The following SMAD4 variants were observed in gnomAD, a reference collection of about 807,000 sequenced individuals.
SMAD4 encodes the protein MAD homolog 4.
Under a neutral mutation model 63.2 loss-of-function variants are expected in SMAD4, and 7 were observed. That is an observed-to-expected ratio of 0.11 (90% CI 0.06 to 0.21). The LOEUF is 0.21. Among genes scored for constraint, SMAD4 ranks in the 10% least tolerant of loss-of-function variants. The probability of loss-of-function intolerance (pLI) is 1.00; values close to 1 mark genes in which losing one functional copy is unlikely to be tolerated. For missense variants in SMAD4, 312 were observed against 693.8 expected, an observed-to-expected ratio of 0.45 and a Z score of 6.18; for synonymous variants, 215 against 235.4, an observed-to-expected ratio of 0.91 and a Z score of 0.79.
chr18:51,060,508 T>C (rs1909978963), intron 8 of SMAD4, among the ~76,000 whole-genome samples: 1 of 152,226 alleles, frequency 6.6e-6, no homozygotes, highest in African/African-American at 2.4e-5. Flanking sequence ...CATCCTTTCG[T>C]ATCTGTTTTT....
chr18:51,047,309 G>A lies in SMAD4; in HGVS notation c.249+14G>A, dbSNP rs777811251. 14 of 1,609,740 alleles carry A rather than the reference G, an allele frequency of 8.7e-6. No individual in the cohort carries two copies. In the African/African-American group the frequency reaches 1.1e-4, roughly 12 times the overall value. On this transcript the variant is annotated intron_variant, in intron 2 of 11. Coordinates refer to ENST00000342988, the MANE Select transcript of SMAD4 (RefSeq NM_005359.6). ...GGGAGGCTTCAGGTTAGTCTTATAA[G>A]AGTTTTTCTATACCCTCTATGGTGG...
chr18:51,038,647 G>A (rs977447122), intron 1 of SMAD4, among the ~76,000 whole-genome samples: 2 of 152,212 alleles, frequency 1.3e-5, no homozygotes, highest in African/African-American at 4.8e-5. Flanking sequence ...GAATCCAGCT[G>A]TCTCCTATTA....
At chr18:51,073,384 T>TACAC (rs1910375258) in intron 10 of SMAD4, among the ~76,000 whole-genome samples, 1 of 85,750 alleles carries the variant, frequency 1.2e-5, no homozygotes, top group African/African-American at 4.6e-5. Context: ...TATATATATA[T>TACAC]ATATACACAC....
chr18:51,067,894 G>A (rs1910207493), intron 10 of SMAD4, among the ~76,000 whole-genome samples: 1 of 152,122 alleles, frequency 6.6e-6, no homozygotes, highest in African/African-American at 2.4e-5. Flanking sequence ...AACCTGATAA[G>A]CCTGAAATAT....
Position 51,079,282 on chromosome 18 carries a change from G to A in SMAD4, c.*815G>A, listed in dbSNP as rs1599206276. Reference sequence around the variant, plus strand: ...TTGGTTGCTAAGAAGCCTATAAGAGGAATTTCTTTTCCTTCATTCATAGGG... The same window carrying A: ...TTGGTTGCTAAGAAGCCTATAAGAGAAATTTCTTTTCCTTCATTCATAGGG... On this transcript the variant is annotated 3_prime_UTR_variant, in exon 12 of 12. Coordinates refer to ENST00000342988, the MANE Select transcript of SMAD4 (RefSeq NM_005359.6). The A allele has an allele frequency of 8.6e-6, 2 of 233,128 alleles. No homozygotes were observed. Among genetic ancestry groups the A allele is most frequent in the South Asian group, 1.8e-4 (1 of 5,516 alleles). The allele number at this position is 233,128 out of a possible 1,614,324, so 14.4% of individuals were successfully genotyped here.
At chr18:51,056,108 T>G (rs1199184875) in intron 5 of SMAD4, among the ~76,000 whole-genome samples, 1 of 152,206 alleles carries the variant, frequency 6.6e-6, no homozygotes, top group Non-Finnish European at 1.5e-5. Flanking sequence ...AGTTCCTTAA[T>G]CACTTGGTGC....
chr18:51,049,755 C>G (rs76247606), intron 4 of SMAD4, among the ~76,000 whole-genome samples: 4,543 of 152,200 alleles, frequency 0.03, 270 homozygotes, highest in African/African-American at 0.1. Flanking sequence ...TTCAGCCTAA[C>G]ATTTTTATGA....
At chr18:51,064,521 G>C (rs1910099072) in intron 8 of SMAD4, among the ~76,000 whole-genome samples, 1 of 152,204 alleles carries the variant, frequency 6.6e-6, no homozygotes, top group Non-Finnish European at 1.5e-5. Context: ...ATACTCTGTA[G>C]ATATCTGTTA....
chr18:51,072,290 A>C (rs925830761), intron 10 of SMAD4, among the ~76,000 whole-genome samples: 1 of 152,090 alleles, frequency 6.6e-6, no homozygotes, highest in African/African-American at 2.4e-5. Context: ...CCATTGTAGT[A>C]GGTGTGAAGT....
intron 1 of SMAD4, among the ~76,000 whole-genome samples, chr18:51,031,688 T>G (rs1472455333): frequency 6.6e-6 from 1 of 152,130 alleles, no homozygotes; most frequent in Non-Finnish European, 1.5e-5. Context: ...TACTCGGGTG[T>G]TTTAAGAAGT....
At chr18:51,067,342 A>G (rs755396286) in intron 10 of SMAD4, among the ~76,000 whole-genome samples, 155 bp downstream of exon 10, 5 of 152,152 alleles carry the variant, frequency 3.3e-5, no homozygotes, top group Non-Finnish European at 5.9e-5. Flanking sequence ...GAGGGCATTT[A>G]TTGACATTAT....
chr18:51,035,145 C>T (rs1413411321), intron 1 of SMAD4, among the ~76,000 whole-genome samples: 1 of 152,186 alleles, frequency 6.6e-6, no homozygotes, highest in South Asian at 2.1e-4. Context: ...GTGTCTGTCT[C>T]TTTCTTTTCT....
intron 2 of SMAD4, 105 bp from the exon 3 acceptor site, chr18:51,048,581 G>A (rs1909614212): frequency 1.0e-6 from 1 of 981,358 alleles, no homozygotes; most frequent in South Asian, 1.4e-5. Flanking sequence ...TTTATGAAAT[G>A]GGGATTGTAA....
intron 5 of SMAD4, among the ~76,000 whole-genome samples, chr18:51,057,383 A>G (rs557831115): frequency 1.1e-4 from 16 of 152,330 alleles, no homozygotes; most frequent in African/African-American, 3.8e-4. Context: ...TTTGAATAGA[A>G]TACAAGCCAA....
At chr18:51,039,958 G>C (rs575602371) in intron 1 of SMAD4, among the ~76,000 whole-genome samples, 12 of 152,246 alleles carry the variant, frequency 7.9e-5, no homozygotes, top group African/African-American at 2.9e-4. Context: ...ACTGCCCTCA[G>C]TTTGAAGAAC....
chr18:51,084,004 GCGCGCGCGCA>G lies in SMAD4; in HGVS notation c.*5539_*5548del, dbSNP rs1568213102. On this transcript the variant is annotated 3_prime_UTR_variant, in exon 12 of 12. Transcript: ENST00000342988. ...ATAAACACTTAACGCGCGTGCGCAC[GCGCGCGCGCA>G]CACACACACACACACACACACACAC... is the stretch of plus-strand genomic sequence containing the variant. The G allele has an allele frequency of 5.7e-5, 6 of 105,072 alleles. No homozygotes were observed. Among genetic ancestry groups the G allele is most frequent in the African/African-American group, 1.1e-4 (2 of 17,606 alleles). The allele number at this position is 105,072 out of a possible 1,614,324, so 6.5% of individuals were successfully genotyped here.
intron 8 of SMAD4, among the ~76,000 whole-genome samples, chr18:51,062,381 A>T (rs1910036680): frequency 6.6e-6 from 1 of 152,168 alleles, no homozygotes; most frequent in Non-Finnish European, 1.5e-5. Context: ...GCATCCCAGA[A>T]ACCCTCCTAC....
In SMAD4 at chr18:51,054,879, C is replaced by A. The variant is rs2144418704; in HGVS notation, c.553C>A (p.Pro185Thr). Residue 185 changes from proline (P) to threonine (T), a missense_variant, in exon 5 of 12, where the codon CCA becomes ACA. By Grantham distance (38) the Pro-to-Thr change is conservative. Coordinates refer to ENST00000342988, the MANE Select transcript of SMAD4 (RefSeq NM_005359.6). ...ACATTCAATTCAAACCATCCAGCAT[C>A]CACCAAGTAATCGTGCATCGACAGA... ...EGHSIQTIQH[P>T]PSNRASTETY... is the part of the protein sequence containing the mutation. 6.2e-7 allele frequency: 1 copy of A among 1,613,988 alleles called. No homozygotes were observed. The highest frequency in any genetic ancestry group is 8.5e-7 in the Non-Finnish European group (1 of 1,179,838).
chr18:51,044,573 A>G (rs1944528592), intron 1 of SMAD4, among the ~76,000 whole-genome samples: 1 of 151,654 alleles, frequency 6.6e-6, no homozygotes, highest in Admixed American at 6.6e-5. Flanking sequence ...TTTTATTTTG[A>G]GTAAAGATCA....
Sources: gnomAD v4.1 joint callset for allele counts (sites outside exome capture counted in the v4.1 genomes callset) on GRCh38, gnomAD v4.1.1 for gene constraint, MANE v1.5 for transcripts, NCBI Gene and HGNC (gene_info 2026-07-23, HGNC 2026-07-21) for gene names.